Variants in CHIT1 observed in about 807,000 individuals in gnomAD.
CHIT1 encodes the protein chitotriosidase-1.
In CHIT1, 47 loss-of-function variants were observed where a neutral mutation model predicts 52.0. The observed-to-expected ratio is 0.90, with a 90% CI of 0.71 to 1.15. CHIT1 has a LOEUF of 1.15. CHIT1 is among the 50% of genes most tolerant of loss of function. CHIT1 has a pLI of 0.00. For missense variants in CHIT1, 569 were observed against 583.0 expected (o/e 0.98, Z 0.25); for synonymous variants, 242 against 228.2 (o/e 1.06, Z -0.54).
intron 2 of CHIT1, among the ~76,000 whole-genome samples, chr1:203,226,530 A>C (rs1656938154): frequency 6.6e-6 from 1 of 152,218 alleles, no homozygotes; most frequent in African/African-American, 2.4e-5. Flanking sequence ...ATGTTTCTTT[A>C]GTCTTGCATT....
intron 9 of CHIT1, among the ~76,000 whole-genome samples, chr1:203,218,885 G>A (rs1178890352): frequency 6.6e-6 from 1 of 152,174 alleles, no homozygotes; most frequent in African/African-American, 2.4e-5. Flanking sequence ...CTGTAATTTG[G>A]ACATGCACCA....
rs371212700 is a variant in CHIT1 at position 203,228,582 on chromosome 1, A to G, written c.26-20T>C. The G allele has an allele frequency of 3.0e-5, 48 of 1,577,972 alleles. No homozygotes were observed. In the African/African-American group the frequency reaches 6.3e-4, roughly 21 times the overall value. ...TGAAACCTGGAGCAACACAAGAGAGAAGGCCAGGGTTATGCTGCCATTCTC... is the reference window on the plus strand; with the variant it reads ...TGAAACCTGGAGCAACACAAGAGAGGAGGCCAGGGTTATGCTGCCATTCTC... On this transcript the variant is annotated intron_variant, in intron 1 of 10. Coordinates refer to ENST00000367229, the MANE Select transcript of CHIT1 (RefSeq NM_003465.3).
Position 203,222,238 on chromosome 1 carries a change from C to T in CHIT1, c.693G>A (p.Arg231=). 1 of 1,614,190 alleles carries T rather than the reference C, an allele frequency of 6.2e-7. No homozygotes were observed. Among genetic ancestry groups the T allele is most frequent in the South Asian group, 1.1e-5 (1 of 91,078 alleles). Reference sequence around the variant, plus strand: ...TGGCTGCTGCACCACTCTCTTCTTGCCTCTTGTAGAGGGGGCTGTTATGTC... The same window carrying T: ...TGGCTGCTGCACCACTCTCTTCTTGTCTCTTGTAGAGGGGGCTGTTATGTC... The part of the protein sequence containing the change: ...VTGHNSPLYK[R]QEESGAAASL... The change falls in exon 7 of 11, where the codon AGG becomes AGA. Residue 231 remains arginine, a synonymous_variant. Coordinates refer to ENST00000367229, the MANE Select transcript of CHIT1 (RefSeq NM_003465.3).
At chr1:203,228,459 G>T in intron 2 of CHIT1, 74 bp downstream of exon 2, 1 of 1,481,336 alleles carries the variant, frequency 6.8e-7, no homozygotes, top group Non-Finnish European at 9.2e-7. Context: ...GGGAGGTCTG[G>T]CAGGGAAGGT....
At chr1:203,228,685 C>G (rs1166697270) in intron 1 of CHIT1, 123 bp from the exon 2 acceptor site, 1 of 1,180,264 alleles carries the variant, frequency 8.5e-7, no homozygotes, top group East Asian at 2.6e-5. Flanking sequence ...CAAGCTTTCT[C>G]CTTTCAGAAG....
At chr1:203,217,604 A>T in intron 10 of CHIT1, 135 bp downstream of exon 10, 1 of 1,427,298 alleles carries the variant, frequency 7.0e-7, no homozygotes, top group Non-Finnish European at 9.7e-7. Flanking sequence ...CGGGTACATG[A>T]AGCTTGGGAA....
chr1:203,219,733 C>G lies in CHIT1; in HGVS notation c.846G>C (p.Gly282=), dbSNP rs1656663607. The G allele has an allele frequency of 6.2e-7, 1 of 1,614,056 alleles. No homozygotes were observed. The highest frequency in any genetic ancestry group is 8.5e-7 in the Non-Finnish European group (1 of 1,180,024). ...TLASSSDTRV[G]APATGSGTPG... is the part of the protein sequence containing the mutation. ...GAGTGCCAGACCCTGTGGCTGGGGC[C>G]CCCACTCTGGTGTCTGATGAGGAGG... Residue 282 remains glycine, a synonymous_variant, in exon 8 of 11, where the codon GGG becomes GGC. Transcript: ENST00000367229.
At chr1:203,230,072 A>G (rs1571853807), upstream of CHIT1, 1 of 235,456 alleles carries the variant, frequency 4.2e-6, no homozygotes, top group East Asian at 1.1e-4. Context: ...CCTCTCTCAA[A>G]CTGTTTCTCC....
At chr1:203,227,253 G>A (rs1456985746) in intron 2 of CHIT1, among the ~76,000 whole-genome samples, 1 of 152,134 alleles carries the variant, frequency 6.6e-6, no homozygotes, top group Non-Finnish European at 1.5e-5. Context: ...TCACCCAGGA[G>A]TGCAGCTTGC....
Position 203,225,756 on chromosome 1 carries a change from G to C in CHIT1, c.170C>G (p.Ala57Gly). 1 of 1,614,232 alleles carries C rather than the reference G, an allele frequency of 6.2e-7. No individual in the cohort carries two copies. Among genetic ancestry groups the C allele is most frequent in the Non-Finnish European group, 8.5e-7 (1 of 1,180,036 alleles). The change falls in exon 3 of 11, where the codon GCC (alanine) becomes GGC (glycine). Residue 57 changes from alanine to glycine, a missense_variant. Coordinates refer to ENST00000367229, the MANE Select transcript of CHIT1 (RefSeq NM_003465.3). ...CTGGTGGTTGGTCATGCCAGCGAAG[G>C]CGTAGATGAGGTGGGTGCAAAGGCT... ...DPSLCTHLIYAFAGMTNHQLS... is the reference protein window; with the variant it reads ...DPSLCTHLIYGFAGMTNHQLS...
At chr1:203,222,993 T>C in intron 6 of CHIT1, 142 bp downstream of exon 6, 1 of 1,131,612 alleles carries the variant, frequency 8.8e-7, no homozygotes, top group Non-Finnish European at 1.3e-6. Context: ...CAGGGAATTT[T>C]CTGCTTTTGT....
At chr1:203,226,130 G>A (rs1175148996) in intron 2 of CHIT1, among the ~76,000 whole-genome samples, 2 of 152,224 alleles carry the variant, frequency 1.3e-5, no homozygotes, top group African/African-American at 2.4e-5. Context: ...TTCTTTTCCC[G>A]GGAAGCAAGT....
At chr1:203,219,106 G>T in intron 9 of CHIT1, 110 bp downstream of exon 9, 1 of 767,600 alleles carries the variant, frequency 1.3e-6, no homozygotes, top group Non-Finnish European at 2.4e-6. Flanking sequence ...ATGAAATGTT[G>T]GGACATTTAA....
rs1000475643 is a variant in CHIT1 at position 203,225,667 on chromosome 1, A to G, written c.257+2T>C. 2 of 1,613,006 alleles carry G rather than the reference A, an allele frequency of 1.2e-6. No individual in the cohort carries two copies. The highest frequency in any genetic ancestry group is 3.3e-5 in the Admixed American group (2 of 59,974). On this transcript the variant is annotated splice_donor_variant, in intron 3 of 10. Coordinates refer to ENST00000367229, the MANE Select transcript of CHIT1 (RefSeq NM_003465.3). LOFTEE classifies it high-confidence loss of function. Reference sequence around the variant, plus strand: ...CCACCCTGCTCCTCTGCTTTGGCTCACATCTTCTTCAGGCCATTGAACTCC... The same window carrying G: ...CCACCCTGCTCCTCTGCTTTGGCTCGCATCTTCTTCAGGCCATTGAACTCC...
Position 203,225,799 on chromosome 1 carries a change from G to C in CHIT1, c.127C>G (p.Pro43Ala). The change falls in exon 3 of 11, where the codon CCC becomes GCC. Residue 43 changes from proline (P) to alanine (A), a missense_variant. Pro to Ala is a conservative substitution (Grantham distance 27). Transcript: ENST00000367229. ...QYRQGEARFLPKDLDPSLCTH... is the reference protein window; with the variant it reads ...QYRQGEARFLAKDLDPSLCTH... ...CAAAGGCTGGGGTCCAAGTCCTTGG[G>C]CAGGAAGCGAGCCTCCCCCTGTCTG... 1 of 1,614,188 alleles carries C rather than the reference G, an allele frequency of 6.2e-7. No individual in the cohort carries two copies. Among genetic ancestry groups the C allele is most frequent in the African/African-American group, 1.3e-5 (1 of 75,038 alleles).
intron 6 of CHIT1, among the ~76,000 whole-genome samples, chr1:203,222,765 C>T (rs1027844464): frequency 3.9e-5 from 6 of 152,132 alleles, no homozygotes; most frequent in Admixed American, 6.5e-5. Context: ...TTAATGAGGG[C>T]TGCGAGTCCA....
intron 2 of CHIT1, among the ~76,000 whole-genome samples, chr1:203,227,535 C>T (rs76085347): frequency 0.016 from 2,484 of 152,314 alleles, 74 homozygotes; most frequent in East Asian, 0.11. Context: ...AACTTACTCG[C>T]TGTGCGACTC....
chr1:203,227,782 C>T (rs1656978325), intron 2 of CHIT1, among the ~76,000 whole-genome samples: 1 of 152,206 alleles, frequency 6.6e-6, no homozygotes, highest in African/African-American at 2.4e-5. Context: ...AGAAATCTTC[C>T]ACCTCTCATC....
At chr1:203,217,966 A>T (rs1656598898) in intron 9 of CHIT1, 101 bp from the exon 10 acceptor site, 1 of 1,540,178 alleles carries the variant, frequency 6.5e-7, no homozygotes, top group South Asian at 1.2e-5. Flanking sequence ...TTGCTCCAGC[A>T]GCCTCAGGCC....
Sources: gnomAD v4.1 joint callset for allele counts (sites outside exome capture counted in the v4.1 genomes callset) on GRCh38, gnomAD v4.1.1 for gene constraint, MANE v1.5 for transcripts, NCBI Gene and HGNC (gene_info 2026-07-23, HGNC 2026-07-21) for gene names.